Variants in DST observed in about 807,000 individuals in gnomAD.
DST encodes dystonin.
A neutral mutation model predicts 875.2 loss-of-function variants in DST; 253 were observed. The ratio of observed to expected loss-of-function variants is 0.29; its 90% CI spans 0.26 to 0.32. The LOEUF (loss-of-function observed/expected upper bound fraction) is 0.32. DST is among the 10% of genes least tolerant of loss of function. The probability of loss-of-function intolerance (pLI) is 1.00; values close to 1 mark genes in which losing one functional copy is unlikely to be tolerated. For missense variants in DST, 8,287 were observed against 9,111.6 expected (o/e 0.91, Z 3.68); for synonymous variants, 3,124 against 3,197.1 (o/e 0.98, Z 0.77).
chr6:56,680,763 A>G lies in DST; in HGVS notation c.1048-9956T>C, dbSNP rs148958177. Among the ~76,000 whole-genome samples, 896 of 152,114 alleles carry G rather than the reference A, an allele frequency of 5.9e-3. 5 individuals carry two copies. The highest frequency in any genetic ancestry group is 7.4e-3 in the Non-Finnish European group (506 of 67,978). On this transcript the variant is annotated intron_variant, in intron 9 of 103. Transcript: ENST00000680361. ...ACTCTCCCTGGATCATCTCTACCAC[A>G]ATGGCTTTAACTGCCACCTTGACAG...
intron 9 of DST, among the ~76,000 whole-genome samples, chr6:56,686,389 T>C (rs2152851019): frequency 6.6e-6 from 1 of 152,346 alleles, no homozygotes; most frequent in South Asian, 2.1e-4. Context: ...CTCAGGATCA[T>C]GCAATATACC....
chr6:56,631,906 C>T lies in DST; in HGVS notation c.3940G>A (p.Val1314Met). 1.2e-6 allele frequency: 2 copies of T among 1,614,028 alleles called. No homozygotes were observed. Among genetic ancestry groups the T allele is most frequent in the Non-Finnish European group, 1.7e-6 (2 of 1,179,946 alleles). Residue 1314 changes from valine (V) to methionine (M), a missense_variant, in exon 29 of 104, where the codon GTG (valine) becomes ATG (methionine). By Grantham distance (21) the Val-to-Met change is conservative. This residue lies in a region of DST where 3,138 missense variants were observed against 3,116.6 expected (regional missense o/e 1.01). Transcript: ENST00000680361. ...ACCTCCTGTTCTGTGATTCTGAACACACTTTCATGCAAATCATCTCTTTCC... is the reference window on the plus strand; with the variant it reads ...ACCTCCTGTTCTGTGATTCTGAACATACTTTCATGCAAATCATCTCTTTCC... ...PLERDDLHESVFRITEQEKLK... is the reference protein window; with the variant it reads ...PLERDDLHESMFRITEQEKLK...
intron 61 of DST, among the ~76,000 whole-genome samples, chr6:56,546,841 G>T (rs1387668009): frequency 1.3e-5 from 2 of 152,058 alleles, no homozygotes; most frequent in African/African-American, 4.8e-5. Flanking sequence ...GGTTTCCTTT[G>T]ATCAAAGGTG....
At chr6:56,924,284 A>C (rs758894134) in intron 2 of DST, among the ~76,000 whole-genome samples, 10 of 152,206 alleles carry the variant, frequency 6.6e-5, no homozygotes, top group African/African-American at 2.4e-4. Context: ...CACTGAACGC[A>C]GAGTTGGAAC....
chr6:56,485,312 C>T lies in DST; in HGVS notation c.21207G>A (p.Lys7069=). ...AATAAAATGTCCCAGATAACAATAC[C>T]TTGTGATTATCGATCAGATTCATCA... ...DLVMNLIDNH[K]AFQKELGKRT... is the part of the protein sequence containing the mutation. Residue 7069 remains lysine (K), a splice_region_variant and synonymous_variant, in exon 88 of 104, where the codon AAG becomes AAA. Transcript: ENST00000680361. 6.2e-7 allele frequency: 1 copy of T among 1,613,580 alleles called. No individual in the cohort carries two copies. The highest frequency in any genetic ancestry group is 8.5e-7 in the Non-Finnish European group (1 of 1,179,716).
At chr6:56,873,333 T>G (rs1778221073) in intron 3 of DST, among the ~76,000 whole-genome samples, 1 of 152,202 alleles carries the variant, frequency 6.6e-6, no homozygotes, top group Admixed American at 6.5e-5. Context: ...CTGAAGCTTT[T>G]TAGCTTGATG....
At chr6:56,621,934 C>G (rs2098693612) in intron 36 of DST, among the ~76,000 whole-genome samples, 1 of 152,114 alleles carries the variant, frequency 6.6e-6, no homozygotes, top group South Asian at 2.1e-4. Context: ...ATGAGAATTT[C>G]AGTTGTTTTC....
rs537797357 is a variant in DST at position 56,634,474 on chromosome 6, T to A, written c.3482A>T (p.Asp1161Val). The change falls in exon 26 of 104, where the codon GAC (aspartate) becomes GTC (valine). Residue 1161 changes from aspartate (D) to valine (V), a missense_variant. By Grantham distance (152) the Asp-to-Val change is radical. Transcript: ENST00000680361. ...TVPPPNKEAV[D>V]LANRIEQQYQ... is the part of the protein sequence containing the mutation. Reference sequence around the variant, plus strand: ...AATATATACAAACCTGTTGGCAAGGTCCACCGCTTCTTTGTTTGGTGGAGG... The same window carrying A: ...AATATATACAAACCTGTTGGCAAGGACCACCGCTTCTTTGTTTGGTGGAGG... The A allele has an allele frequency of 2.5e-6, 4 of 1,614,150 alleles. No homozygotes were observed. The African/African-American group carries it at 4.0e-5, about 16-fold the overall frequency.
chr6:56,637,894 T>A (rs1245511862), intron 22 of DST, among the ~76,000 whole-genome samples: 1 of 152,160 alleles, frequency 6.6e-6, no homozygotes, highest in East Asian at 1.9e-4. Context: ...CAGCATTGAA[T>A]ATCTGGCAAC....
At chr6:56,929,037 A>T (rs913564487) in intron 2 of DST, among the ~76,000 whole-genome samples, 4 of 152,154 alleles carry the variant, frequency 2.6e-5, no homozygotes, top group African/African-American at 9.6e-5. Context: ...GGAATTAGAC[A>T]ACCCAATTCT....
At chr6:56,708,364 T>C (rs1451851284) in intron 5 of DST, among the ~76,000 whole-genome samples, 1 of 152,070 alleles carries the variant, frequency 6.6e-6, no homozygotes. Context: ...TCTTAAGACT[T>C]ATGGCTTAAT....
intron 50 of DST, among the ~76,000 whole-genome samples, chr6:56,576,095 T>C (rs2097859083): frequency 6.6e-6 from 1 of 152,094 alleles, no homozygotes; most frequent in African/African-American, 2.4e-5. Flanking sequence ...CAATCATGCT[T>C]ATGTAATGAA....
chr6:56,804,897 AATTATATCCCTTTTAATTCT>A (rs1161443585), intron 4 of DST, among the ~76,000 whole-genome samples: 1 of 152,128 alleles, frequency 6.6e-6, no homozygotes, highest in African/African-American at 2.4e-5. Flanking sequence ...AAGATGTAAA[AATTATATCCCTTTTAATTCT>A]AAATTTTTCA....
chr6:56,581,980 T>C (rs2098010920), intron 49 of DST, among the ~76,000 whole-genome samples: 2 of 151,524 alleles, frequency 1.3e-5, no homozygotes, highest in South Asian at 2.1e-4. Context: ...CATTTAAAGC[T>C]TTTTTTTTCC....
chr6:56,678,323 GT>G (rs1242573163), intron 9 of DST, among the ~76,000 whole-genome samples: 4 of 152,220 alleles, frequency 2.6e-5, no homozygotes, highest in Non-Finnish European at 5.9e-5. Context: ...TCTAAAAGTA[GT>G]TTCCTATTCT....
At chr6:56,674,390 C>T (rs1287598539) in intron 9 of DST, among the ~76,000 whole-genome samples, 4 of 152,042 alleles carry the variant, frequency 2.6e-5, no homozygotes, top group African/African-American at 2.4e-5. Context: ...CTCCACCTCC[C>T]GGGTTCAAGT....
intron 34 of DST, among the ~76,000 whole-genome samples, chr6:56,625,466 A>G (rs1222217761): frequency 6.6e-6 from 1 of 152,168 alleles, no homozygotes; most frequent in African/African-American, 2.4e-5. Context: ...CATTTCAGTC[A>G]AAGACAGACC....
chr6:56,865,216 G>A (rs556755190), intron 3 of DST, among the ~76,000 whole-genome samples: 1 of 151,852 alleles, frequency 6.6e-6, no homozygotes, highest in East Asian at 1.9e-4. Context: ...ATATGGCCTG[G>A]AACACTTTAA....
Position 56,813,927 on chromosome 6 carries a change from A to G in DST, c.625+37470T>C, listed in dbSNP as rs78801259. Among the ~76,000 whole-genome samples the G allele has an allele frequency of 3.4e-3, 515 of 152,302 alleles. 4 individuals carry two copies. The highest frequency in any genetic ancestry group is 0.012 in the African/African-American group (500 of 41,576). ...ATCATTAAGAACCTTGTAGGTATTA[A>G]AACAGATCTATCTTATTTTAAGCAT... On this transcript the variant is annotated intron_variant, in intron 4 of 103. Transcript: ENST00000680361.
Sources: allele counts gnomAD v4.1 joint callset (sites outside exome capture counted in the v4.1 genomes callset), GRCh38; gene constraint gnomAD v4.1.1; regional missense constraint gnomAD v4.1.1; transcripts MANE v1.5; gene names NCBI Gene and HGNC (gene_info 2026-07-23, HGNC 2026-07-21).